TCF4: variants seen among roughly 807,000 people sequenced by gnomAD.
TCF4 encodes the protein transcription factor 4, also known as SL3-3 enhancer factor 2.
A neutral mutation model predicts 82.1 loss-of-function variants in TCF4; 3 were observed. The observed-to-expected ratio is 0.04, with a 90% confidence interval of 0.02 to 0.09. TCF4 has a LOEUF of 0.09. TCF4 is among the 10% of genes least tolerant of loss of function. The probability of loss-of-function intolerance (pLI) is 1.00; values close to 1 mark genes in which losing one functional copy is unlikely to be tolerated. For synonymous variants in TCF4, 276 were observed against 309.6 expected (o/e 0.89, Z 1.14); for missense variants, 518 against 852.7 (o/e 0.61, Z 4.89).
At chr18:55,373,881 T>TA (rs945074740) in intron 6 of TCF4, among the ~76,000 whole-genome samples, 29 of 151,962 alleles carry the variant, frequency 1.9e-4, no homozygotes, top group African/African-American at 5.8e-4. Flanking sequence ...ATGAAATGCT[T>TA]AAAAAAAACT....
At chr18:55,485,813 C>T (rs1390374209) in intron 3 of TCF4, among the ~76,000 whole-genome samples, 1 of 152,172 alleles carries the variant, frequency 6.6e-6, no homozygotes, top group African/African-American at 2.4e-5. Flanking sequence ...TCAAAGCAGT[C>T]CCTGACTTGA....
At chr18:55,432,889 T>C (rs186566508) in intron 5 of TCF4, among the ~76,000 whole-genome samples, 21 of 152,348 alleles carry the variant, frequency 1.4e-4, no homozygotes, top group Admixed American at 1.2e-3. Context: ...TCTACACTCA[T>C]CAGCCTCACT....
At chr18:55,477,253 A>G (rs1263934438) in intron 3 of TCF4, among the ~76,000 whole-genome samples, 1 of 152,242 alleles carries the variant, frequency 6.6e-6, no homozygotes, top group Non-Finnish European at 1.5e-5. Flanking sequence ...CCTAAACACG[A>G]GCAGACTAAA....
At chr18:55,433,360 T>C (rs1295811121) in intron 5 of TCF4, among the ~76,000 whole-genome samples, 2 of 152,228 alleles carry the variant, frequency 1.3e-5, no homozygotes, top group African/African-American at 2.4e-5. Context: ...GTTTGGCACA[T>C]AGATAACTAG....
Position 55,269,853 on chromosome 18 carries a change from G to C in TCF4, c.900C>G (p.Ala300=), listed in dbSNP as rs1405612686. The C allele has an allele frequency of 6.2e-7, 1 of 1,613,038 alleles. No individual in the cohort carries two copies. The highest frequency in any genetic ancestry group is 8.5e-7 in the Non-Finnish European group (1 of 1,179,432). Residue 300 remains alanine (A), a synonymous_variant, in exon 11 of 20, where the codon GCC becomes GCG. Coordinates refer to ENST00000354452, the MANE Select transcript of TCF4 (RefSeq NM_001083962.2). Reference sequence around the variant, plus strand: ...CACCCATTATACTGTCTGTCCCGTTGGCAGGAGGCGTACAGGAAGAGGTGC... The same window carrying C: ...CACCCATTATACTGTCTGTCCCGTTCGCAGGAGGCGTACAGGAAGAGGTGC... The part of the protein sequence containing the change: ...HYSTSSCTPP[A]NGTDSIMANR...
At chr18:55,280,647 C>T (rs2062401793) in intron 8 of TCF4, among the ~76,000 whole-genome samples, 1 of 152,016 alleles carries the variant, frequency 6.6e-6, no homozygotes, top group Non-Finnish European at 1.5e-5. Context: ...ACCTTCCTGC[C>T]TCCATTTTGA....
At chr18:55,337,059 T>C (rs551981249) in intron 8 of TCF4, among the ~76,000 whole-genome samples, 21 of 152,252 alleles carry the variant, frequency 1.4e-4, no homozygotes, top group African/African-American at 5.1e-4. Flanking sequence ...TAACACACTT[T>C]TAGTGTCCCC....
chr18:55,411,711 G>A (rs142291159), intron 5 of TCF4, among the ~76,000 whole-genome samples: 41 of 152,008 alleles, frequency 2.7e-4, no homozygotes, highest in African/African-American at 9.2e-4. Context: ...ACGTGAATTC[G>A]GTAGAGTCTG....
intron 3 of TCF4, among the ~76,000 whole-genome samples, chr18:55,560,657 TATAAA>T (rs1280532801): frequency 6.6e-6 from 1 of 152,178 alleles, no homozygotes; most frequent in African/African-American, 2.4e-5. Context: ...TTGAGGAAAT[TATAAA>T]TAACAGTATG....
intron 3 of TCF4, among the ~76,000 whole-genome samples, chr18:55,497,291 T>C (rs1339107176): frequency 6.6e-6 from 1 of 152,206 alleles, no homozygotes; most frequent in Non-Finnish European, 1.5e-5. Flanking sequence ...ATTTATTTTA[T>C]AAACAGAAAA....
chr18:55,343,004 G>A (rs1190197326), intron 8 of TCF4, among the ~76,000 whole-genome samples: 2 of 152,070 alleles, frequency 1.3e-5, no homozygotes, highest in Non-Finnish European at 2.9e-5. Flanking sequence ...GGCCATGGAG[G>A]GAGGAGGCTC....
At chr18:55,529,175 C>T (rs1199899804) in intron 3 of TCF4, among the ~76,000 whole-genome samples, 1 of 152,068 alleles carries the variant, frequency 6.6e-6, no homozygotes, top group Non-Finnish European at 1.5e-5. Context: ...CCAGACTCGT[C>T]TCAAAAAACA....
chr18:55,322,425 GAAAAAAAAA>G (rs967879627), intron 8 of TCF4: 38 of 776,962 alleles, frequency 4.9e-5, no homozygotes, highest in Admixed American at 1.5e-4. Context: ...GGGGAGGGAA[GAAAAAAAAA>G]AAAAAAAAAA....
intron 3 of TCF4, among the ~76,000 whole-genome samples, chr18:55,583,129 A>G (rs1382891553): frequency 6.6e-6 from 1 of 152,170 alleles, no homozygotes; most frequent in Admixed American, 6.5e-5. Context: ...AATACCCTGC[A>G]TTCTCATTCA....
At chr18:55,590,820 A>G (rs915853093), upstream of TCF4, among the ~76,000 whole-genome samples, 2 of 152,254 alleles carry the variant, frequency 1.3e-5, no homozygotes, top group Non-Finnish European at 2.9e-5. Context: ...AAGCCTAAGA[A>G]TAACCCTATG....
chr18:55,300,099 TACACACACACAC>T (rs372975426), intron 8 of TCF4, among the ~76,000 whole-genome samples: 1 of 147,944 alleles, frequency 6.8e-6, no homozygotes, highest in Admixed American at 6.8e-5. Flanking sequence ...CATACAGATA[TACACACACACAC>T]ACACACACAC....
chr18:55,531,085 G>A (rs2097058117), intron 3 of TCF4, among the ~76,000 whole-genome samples: 1 of 152,038 alleles, frequency 6.6e-6, no homozygotes, highest in Non-Finnish European at 1.5e-5. Context: ...TCGAGTAGCT[G>A]GGAGTACAGG....
intron 8 of TCF4, among the ~76,000 whole-genome samples, chr18:55,299,326 C>T (rs1280974165): frequency 6.6e-6 from 1 of 152,012 alleles, no homozygotes; most frequent in African/African-American, 2.4e-5. Context: ...ACAGGAGAAT[C>T]GCTTGAACCT....
chr18:55,366,014 AT>A (rs2087009321), intron 6 of TCF4, among the ~76,000 whole-genome samples: 1 of 113,756 alleles, frequency 8.8e-6, no homozygotes, highest in Admixed American at 9.0e-5. Context: ...ATAGATATAG[AT>A]ATAGATATAG....
Sources: allele counts gnomAD v4.1 joint callset (sites outside exome capture counted in the v4.1 genomes callset), GRCh38; gene constraint gnomAD v4.1.1; transcripts MANE v1.5; gene names NCBI Gene and HGNC (gene_info 2026-07-23, HGNC 2026-07-21).